ZNF385D: variants seen among roughly 807,000 people sequenced by gnomAD.
ZNF385D encodes the protein zinc finger protein 659.
A neutral mutation model predicts 35.8 loss-of-function variants in ZNF385D; 15 were observed. The ratio of observed to expected loss-of-function variants is 0.42; its 90% CI spans 0.28 to 0.64. The LOEUF (loss-of-function observed/expected upper bound fraction) is 0.64. ZNF385D is among the 30% of genes least tolerant of loss of function. ZNF385D has a pLI of 0.23. For missense variants in ZNF385D, 474 were observed against 494.6 expected (o/e 0.96, Z 0.39); for synonymous variants, 212 against 186.8 (o/e 1.13, Z -1.10).
chr3:21,820,327 C>T (rs1348825941), intron 3 of ZNF385D, among the ~76,000 whole-genome samples: 2 of 151,426 alleles, frequency 1.3e-5, no homozygotes, highest in Non-Finnish European at 3.0e-5. Context: ...GAAGAACCAA[C>T]ATAAGAAAAT....
intron 3 of ZNF385D, chr3:21,877,904 A>G (rs1043878108): frequency 5.3e-5 from 8 of 152,082 alleles, no homozygotes; most frequent in African/African-American, 1.7e-4. Context: ...TACATCTGTT[A>G]TCTCTATTTT....
intron 3 of ZNF385D, among the ~76,000 whole-genome samples, chr3:21,801,452 G>C (rs1031853753): frequency 1.3e-5 from 2 of 152,098 alleles, no homozygotes; most frequent in Non-Finnish European, 1.5e-5. Context: ...ATCTGGTCTT[G>C]AGCTTGGCTT....
At chr3:22,314,437 G>A (rs1456661534) in intron 2 of ZNF385D, among the ~76,000 whole-genome samples, 1 of 152,132 alleles carries the variant, frequency 6.6e-6, no homozygotes, top group Non-Finnish European at 1.5e-5. Context: ...CCAGATTGCA[G>A]TGAATGCCAT....
chr3:21,755,408 G>C (rs960571086), upstream of ZNF385D, among the ~76,000 whole-genome samples: 1 of 152,146 alleles, frequency 6.6e-6, no homozygotes, highest in African/African-American at 2.4e-5. Flanking sequence ...TTCTCCATTT[G>C]TAAATACTTT....
chr3:22,320,346 A>C (rs1694355504), intron 2 of ZNF385D, among the ~76,000 whole-genome samples: 2 of 152,178 alleles, frequency 1.3e-5, no homozygotes, highest in South Asian at 4.1e-4. Flanking sequence ...TCTTCCTTTC[A>C]GTCATTATGA....
At chr3:21,943,645 A>G (rs674639) in intron 3 of ZNF385D, among the ~76,000 whole-genome samples, 3,951 of 152,234 alleles carry the variant, frequency 0.026, 98 homozygotes, top group Middle Eastern at 0.088. Context: ...TAATGAATAA[A>G]TGCATTTATA....
chr3:21,799,414 C>A (rs1184092518), intron 3 of ZNF385D, among the ~76,000 whole-genome samples: 5 of 152,142 alleles, frequency 3.3e-5, no homozygotes. Flanking sequence ...TTCTCTACAT[C>A]CTCATTAACA....
intron 3 of ZNF385D, among the ~76,000 whole-genome samples, chr3:21,558,538 T>C (rs2062824509): frequency 6.6e-6 from 1 of 152,346 alleles, no homozygotes; most frequent in East Asian, 1.9e-4. Context: ...ATTTCCATTC[T>C]TTTGCATTTG....
chr3:22,021,577 T>C (rs1697226835), intron 3 of ZNF385D, among the ~76,000 whole-genome samples: 1 of 152,216 alleles, frequency 6.6e-6, no homozygotes, highest in Middle Eastern at 3.4e-3. Context: ...TATACTTTTG[T>C]GAGGACTGAG....
At chr3:21,750,524 A>G (rs1575587551) in intron 1 of ZNF385D, among the ~76,000 whole-genome samples, 1 of 152,126 alleles carries the variant, frequency 6.6e-6, no homozygotes, top group Non-Finnish European at 1.5e-5. Context: ...CACAGCATCA[A>G]TTGTATAGAA....
intron 2 of ZNF385D, among the ~76,000 whole-genome samples, chr3:21,612,128 G>C (rs777528578): frequency 5.3e-5 from 8 of 152,088 alleles, no homozygotes; most frequent in Non-Finnish European, 8.8e-5. Flanking sequence ...GCCCAGCCTG[G>C]AGTGCAGTAG....
At chr3:21,665,305 A>G in intron 1 of ZNF385D, among the ~76,000 whole-genome samples, 1 of 152,192 alleles carries the variant, frequency 6.6e-6, no homozygotes, top group Non-Finnish European at 1.5e-5. Context: ...TTTCCTGCCT[A>G]GAGCTCCAGA....
intron 2 of ZNF385D, among the ~76,000 whole-genome samples, chr3:22,340,375 G>A (rs1282324400): frequency 2.6e-5 from 4 of 152,170 alleles, no homozygotes; most frequent in African/African-American, 7.2e-5. Context: ...GGTGGGCGTG[G>A]TGGCTCACAC....
intron 3 of ZNF385D, among the ~76,000 whole-genome samples, chr3:22,002,247 A>T (rs1172432987): frequency 2.0e-5 from 3 of 151,870 alleles, no homozygotes; most frequent in East Asian, 1.9e-4. Context: ...AATCAAAATT[A>T]AAAAAAAGAG....
intron 3 of ZNF385D, among the ~76,000 whole-genome samples, chr3:21,990,581 A>G (rs1291661011): frequency 6.6e-6 from 1 of 152,252 alleles, no homozygotes; most frequent in East Asian, 1.9e-4. Context: ...TGTACTTAAT[A>G]TATGATGTAT....
chr3:21,547,623 T>G (rs2062422224), intron 3 of ZNF385D, among the ~76,000 whole-genome samples: 1 of 151,306 alleles, frequency 6.6e-6, no homozygotes, highest in Non-Finnish European at 1.5e-5. Flanking sequence ...TTGTTTTGTT[T>G]TTTTTTTTTT....
chr3:21,721,816 G>T lies in ZNF385D; in HGVS notation c.22+29079C>A, dbSNP rs1311030749. Among the ~76,000 whole-genome samples the T allele has an allele frequency of 3.3e-5, 5 of 152,090 alleles. No homozygotes were observed. The East Asian group carries it at 9.7e-4, about 30-fold the overall frequency. On this transcript the variant is annotated intron_variant, in intron 1 of 7. Coordinates refer to ENST00000281523, the MANE Select transcript of ZNF385D (RefSeq NM_024697.3). ...AGTATCCTATCTTAAAGAGATATTT[G>T]TGGCCAGGCGCGGTGGCTCACGCCT...
At chr3:21,722,166 A>G (rs62239387) in intron 1 of ZNF385D, among the ~76,000 whole-genome samples, 6,158 of 151,840 alleles carry the variant, frequency 0.041, 149 homozygotes, top group South Asian at 0.065. Context: ...CTAAGTCCCA[A>G]AGGGGACAAG....
chr3:21,964,630 C>T (rs576481058), intron 3 of ZNF385D, among the ~76,000 whole-genome samples: 1 of 151,802 alleles, frequency 6.6e-6, no homozygotes, highest in East Asian at 1.9e-4. Context: ...ACTGGGTTTA[C>T]AGGTGCCTGC....
Sources: allele counts gnomAD v4.1 joint callset (sites outside exome capture counted in the v4.1 genomes callset), GRCh38; gene constraint gnomAD v4.1.1; transcripts MANE v1.5; gene names NCBI Gene and HGNC (gene_info 2026-07-23, HGNC 2026-07-21).